The following TGFA variants were observed in gnomAD, a reference collection of about 807,000 sequenced individuals.
TGFA encodes the protein transforming growth factor alpha.
TGFA carries 12 observed loss-of-function variants against 21.7 expected under a neutral mutation model. The observed-to-expected ratio is 0.55, with a 90% CI of 0.35 to 0.90. TGFA has a LOEUF of 0.90. Ranked by LOEUF, TGFA falls within the 40% of genes least tolerant of loss-of-function variation. The pLI is 0.01. For missense variants in TGFA, 178 were observed against 210.8 expected, an observed-to-expected ratio of 0.84 and a Z score of 0.96; for synonymous variants, 79 against 88.1, an observed-to-expected ratio of 0.90 and a Z score of 0.58.
chr2:70,497,488 C>T lies in TGFA; in HGVS notation c.94+17371G>A, dbSNP rs1437963985. 1.3e-5 allele frequency among the ~76,000 whole-genome samples: 2 copies of T among 152,218 alleles called. 1 individual carries two copies. Among genetic ancestry groups the T allele is most frequent in the African/African-American group, 4.8e-5 (2 of 41,466 alleles). ...ACAAAATAATGAAAAGCACTTTCTT[C>T]ACCTACTATATGGGAGGCACTGAAA... is the stretch of plus-strand genomic sequence containing the variant. On this transcript the variant is annotated intron_variant, in intron 2 of 5. Coordinates refer to ENST00000295400, the MANE Select transcript of TGFA (RefSeq NM_003236.4).
chr2:70,490,004 T>G (rs1424654900), intron 2 of TGFA, among the ~76,000 whole-genome samples: 1 of 152,182 alleles, frequency 6.6e-6, no homozygotes, highest in African/African-American at 2.4e-5. Context: ...CACCCAGAGA[T>G]AATGATTTAA....
At chr2:70,521,613 G>GTGTTTTTTTTTTTTT (rs532266930) in intron 1 of TGFA, among the ~76,000 whole-genome samples, 2 of 74,052 alleles carry the variant, frequency 2.7e-5, no homozygotes, top group African/African-American at 8.4e-5. Flanking sequence ...GTTGTTGTTT[G>GTGTTTTTTTTTTTTT]TTTGTTTTTT....
At chr2:70,471,006 T>C (rs1223276556) in intron 2 of TGFA, among the ~76,000 whole-genome samples, 1 of 151,888 alleles carries the variant, frequency 6.6e-6, no homozygotes, top group Admixed American at 6.6e-5. Flanking sequence ...ATAAAACCCA[T>C]CTGTAATCCA....
intron 1 of TGFA, among the ~76,000 whole-genome samples, chr2:70,517,097 G>A (rs556129516): frequency 6.6e-6 from 1 of 152,306 alleles, no homozygotes; most frequent in South Asian, 2.1e-4. Flanking sequence ...CCAGCCTTGG[G>A]GCAAATTACT....
intron 3 of TGFA, among the ~76,000 whole-genome samples, chr2:70,457,805 G>C (rs140145463): frequency 1.4e-3 from 215 of 152,276 alleles, no homozygotes; most frequent in African/African-American, 4.9e-3. Flanking sequence ...GCCTCCCAAA[G>C]TGCTGGGATT....
intron 1 of TGFA, among the ~76,000 whole-genome samples, chr2:70,535,283 ATAAAAAATTCAGGAGCTGAGGGCAAGGGC>A (rs1191608149): frequency 2.6e-5 from 4 of 152,186 alleles, no homozygotes; most frequent in African/African-American, 9.7e-5. Flanking sequence ...GCCATGATCT[ATAAAAAATTCAGGAGCTGAGGGCAAGGGC>A]TAGGTCATGG....
chr2:70,503,632 G>T (rs1223943842), intron 2 of TGFA, among the ~76,000 whole-genome samples: 1 of 150,984 alleles, frequency 6.6e-6, no homozygotes, highest in Non-Finnish European at 1.5e-5. Context: ...AGGGGGCACA[G>T]TTAAGCTTTA....
chr2:70,515,654 C>T (rs1672250541), intron 1 of TGFA, among the ~76,000 whole-genome samples: 1 of 152,176 alleles, frequency 6.6e-6, no homozygotes, highest in Admixed American at 6.5e-5. Context: ...CAGCTCACCC[C>T]TCTCTAGTTG....
intron 1 of TGFA, among the ~76,000 whole-genome samples, chr2:70,516,407 G>A (rs1672279715): frequency 6.6e-6 from 1 of 152,158 alleles, no homozygotes; most frequent in East Asian, 1.9e-4. Flanking sequence ...TCATGCTCCC[G>A]ATGTTCCTTC....
intron 1 of TGFA, among the ~76,000 whole-genome samples, chr2:70,546,371 A>G (rs1673303781): frequency 6.6e-6 from 1 of 152,168 alleles, no homozygotes; most frequent in Admixed American, 6.5e-5. Context: ...ACATGGGTAT[A>G]TCGTGTAATT....
At chr2:70,523,308 G>A (rs913872680) in intron 1 of TGFA, among the ~76,000 whole-genome samples, 1 of 152,156 alleles carries the variant, frequency 6.6e-6, no homozygotes, top group African/African-American at 2.4e-5. Flanking sequence ...AGGAGTGAAC[G>A]CTCATTGTGA....
chr2:70,456,516 T>C, intron 3 of TGFA, 28 bp from the exon 4 acceptor site: 1 of 1,578,352 alleles, frequency 6.3e-7, no homozygotes, highest in African/African-American at 1.3e-5. Context: ...GTCAGTGCAC[T>C]CTCCTGACAA....
At chr2:70,548,986 A>G (rs1052357338) in intron 1 of TGFA, among the ~76,000 whole-genome samples, 16 of 152,190 alleles carry the variant, frequency 1.1e-4, no homozygotes, top group African/African-American at 3.9e-4. Context: ...AAGTCTCCCA[A>G]TCTTCCTCTA....
chr2:70,490,639 A>C (rs1671407164), intron 2 of TGFA, among the ~76,000 whole-genome samples: 1 of 152,236 alleles, frequency 6.6e-6, no homozygotes, highest in Non-Finnish European at 1.5e-5. Context: ...CAAAAAACAC[A>C]AATGTCTTTC....
intron 1 of TGFA, among the ~76,000 whole-genome samples, chr2:70,534,122 C>T (rs1553504071): frequency 6.6e-6 from 1 of 152,230 alleles, no homozygotes; most frequent in African/African-American, 2.4e-5. Flanking sequence ...ATGCTGCCAG[C>T]TGAATGAAGT....
intron 3 of TGFA, among the ~76,000 whole-genome samples, 164 bp downstream of exon 3, chr2:70,465,452 G>C (rs1670526856): frequency 6.6e-6 from 1 of 152,104 alleles, no homozygotes; most frequent in African/African-American, 2.4e-5. Flanking sequence ...TTAGACATCT[G>C]GTTTTGAAAA....
chr2:70,464,784 T>A (rs11466257), intron 3 of TGFA, among the ~76,000 whole-genome samples: 35,024 of 152,156 alleles, frequency 0.23, 4,839 homozygotes, highest in East Asian at 0.4. Flanking sequence ...ACTTTGTCTC[T>A]AAGCTGGTCT....
In TGFA at chr2:70,450,681, C is replaced by T; in HGVS notation, c.*178G>A. 1.5e-6 allele frequency: 1 copy of T among 655,290 alleles called. No homozygotes were observed. The highest frequency in any genetic ancestry group is 2.7e-6 in the Non-Finnish European group (1 of 369,576). The allele number at this position is 655,290 out of a possible 1,614,324, so 40.6% of individuals were successfully genotyped here. On this transcript the variant is annotated 3_prime_UTR_variant, in exon 6 of 6. Transcript: ENST00000295400. ...CTTCTCTAGGTCACACTGAATAACCCCAAGCAGACGGAGTTCTTGACAGAG... is the reference window on the plus strand; with the variant it reads ...CTTCTCTAGGTCACACTGAATAACCTCAAGCAGACGGAGTTCTTGACAGAG...
At chr2:70,453,875 T>A (rs901891063) in intron 4 of TGFA, among the ~76,000 whole-genome samples, 17 of 152,294 alleles carry the variant, frequency 1.1e-4, no homozygotes, top group East Asian at 7.7e-4. Context: ...CTTTCAGGAC[T>A]AAAATTCTCT....
Sources: allele counts gnomAD v4.1 joint callset (sites outside exome capture counted in the v4.1 genomes callset), GRCh38; gene constraint gnomAD v4.1.1; transcripts MANE v1.5; gene names NCBI Gene and HGNC (gene_info 2026-07-23, HGNC 2026-07-21).